The following COL19A1 variants were observed in gnomAD, a reference collection of about 807,000 sequenced individuals.
COL19A1 encodes the protein collagen alpha-1(XIX) chain.
COL19A1 carries 159 observed loss-of-function variants against 190.2 expected under a neutral mutation model. That is an observed-to-expected ratio of 0.84 (90% CI 0.73 to 0.95). COL19A1 has a LOEUF of 0.95. Ranked by LOEUF, COL19A1 falls within the 40% of genes least tolerant of loss-of-function variation. The pLI is 0.00. For synonymous variants in COL19A1, 509 were observed against 458.9 expected (o/e 1.11, Z -1.39); for missense variants, 1,418 against 1,431.9 (o/e 0.99, Z 0.16).
chr6:69,914,491 TA>T (rs1369815312), intron 4 of COL19A1, among the ~76,000 whole-genome samples: 2 of 152,198 alleles, frequency 1.3e-5, no homozygotes, highest in Non-Finnish European at 2.9e-5. Context: ...CTGATACTTG[TA>T]AATACGGAAG....
intron 2 of COL19A1, among the ~76,000 whole-genome samples, chr6:69,881,248 T>G (rs1768531661): frequency 6.6e-6 from 1 of 152,204 alleles, no homozygotes; most frequent in African/African-American, 2.4e-5. Context: ...TTGGGATAAT[T>G]AACAGACATT....
chr6:70,096,810 A>G (rs1280038829), intron 15 of COL19A1, among the ~76,000 whole-genome samples: 1 of 152,166 alleles, frequency 6.6e-6, no homozygotes, highest in African/African-American at 2.4e-5. Context: ...CATCAGCATT[A>G]CTGCAAACTT....
At chr6:70,020,337 G>T (rs2150102293) in intron 11 of COL19A1, among the ~76,000 whole-genome samples, 1 of 152,032 alleles carries the variant, frequency 6.6e-6, no homozygotes, top group Non-Finnish European at 1.5e-5. Flanking sequence ...TATTTTGTCA[G>T]ATATATATAT....
At chr6:70,092,279 T>G (rs537989048) in intron 15 of COL19A1, among the ~76,000 whole-genome samples, 4 of 152,154 alleles carry the variant, frequency 2.6e-5, no homozygotes, top group South Asian at 4.2e-4. Flanking sequence ...CTACCCACAT[T>G]TTCCTCCTAT....
chr6:69,908,084 G>A (rs1770678455), intron 4 of COL19A1, among the ~76,000 whole-genome samples: 1 of 152,178 alleles, frequency 6.6e-6, no homozygotes, highest in Non-Finnish European at 1.5e-5. Flanking sequence ...TCATGCACAA[G>A]GCTAATTTTC....
intron 49 of COL19A1, among the ~76,000 whole-genome samples, chr6:70,200,186 A>AT (rs1767464593): frequency 6.6e-6 from 1 of 152,214 alleles, no homozygotes; most frequent in Admixed American, 6.5e-5. Context: ...TCTAAAATAT[A>AT]TTTTTAAGAA....
chr6:70,181,536 T>C (rs1397024614), intron 44 of COL19A1, among the ~76,000 whole-genome samples: 3 of 151,976 alleles, frequency 2.0e-5, no homozygotes, highest in Non-Finnish European at 4.4e-5. Flanking sequence ...CAGGAGATTA[T>C]GCAAAAAGCA....
chr6:70,122,599 T>C (rs1784947964), intron 17 of COL19A1, among the ~76,000 whole-genome samples: 1 of 152,198 alleles, frequency 6.6e-6, no homozygotes, highest in African/African-American at 2.4e-5. Flanking sequence ...GATCACTTTG[T>C]GTGAGGCATT....
chr6:69,921,051 C>CATAT (rs1262133514), intron 4 of COL19A1, among the ~76,000 whole-genome samples: 1 of 24,122 alleles, frequency 4.1e-5, no homozygotes, highest in African/African-American at 9.2e-5. Context: ...TATTCATAGA[C>CATAT]ATATCATATA....
At chr6:70,083,940 TAA>T (rs1782431888) in intron 15 of COL19A1, among the ~76,000 whole-genome samples, 1 of 152,158 alleles carries the variant, frequency 6.6e-6, no homozygotes, top group Non-Finnish European at 1.5e-5. Context: ...AAAAGTATTA[TAA>T]GAGGAAAGAG....
intron 27 of COL19A1, 38 bp downstream of exon 27, chr6:70,146,927 A>G: frequency 6.6e-7 from 1 of 1,508,404 alleles, no homozygotes; most frequent in Non-Finnish European, 8.9e-7. Flanking sequence ...TGATTCCAAC[A>G]TTGTGAAACA....
chr6:70,168,135 T>C, intron 38 of COL19A1, 36 bp from the exon 39 acceptor site: 2 of 1,610,232 alleles, frequency 1.2e-6, no homozygotes, highest in Non-Finnish European at 1.7e-6. Flanking sequence ...TCGTCTCATC[T>C]TTCTCTTTTT....
chr6:69,994,364 A>G (rs2150077031), intron 11 of COL19A1, among the ~76,000 whole-genome samples: 1 of 152,272 alleles, frequency 6.6e-6, no homozygotes, highest in Admixed American at 6.5e-5. Context: ...AAAATGCTCT[A>G]ATCCATGTAT....
chr6:69,886,507 C>A (rs989484200), intron 2 of COL19A1, among the ~76,000 whole-genome samples: 1 of 152,144 alleles, frequency 6.6e-6, no homozygotes, highest in African/African-American at 2.4e-5. Flanking sequence ...GAAATCCCTA[C>A]CTTGTGAAGA....
At chr6:69,999,166 G>T (rs1010512889) in intron 11 of COL19A1, among the ~76,000 whole-genome samples, 5 of 151,516 alleles carry the variant, frequency 3.3e-5, no homozygotes, top group Non-Finnish European at 7.4e-5. Flanking sequence ...CTCATGATCT[G>T]CCCACCTCGG....
chr6:69,991,706 C>G (rs1776634608), intron 11 of COL19A1, among the ~76,000 whole-genome samples: 1 of 151,914 alleles, frequency 6.6e-6, no homozygotes, highest in South Asian at 2.1e-4. Context: ...GTGTCCTGTT[C>G]ACGTCTTTTG....
At chr6:69,959,372 C>T (rs996869259) in intron 9 of COL19A1, among the ~76,000 whole-genome samples, 2 of 152,000 alleles carry the variant, frequency 1.3e-5, no homozygotes, top group African/African-American at 4.8e-5. Flanking sequence ...TAAGAATACA[C>T]ACACACACAC....
intron 46 of COL19A1, among the ~76,000 whole-genome samples, chr6:70,187,044 AT>A (rs1318622532): frequency 4.0e-5 from 6 of 151,772 alleles, no homozygotes; most frequent in Non-Finnish European, 5.9e-5. Context: ...CGCCTGGCTA[AT>A]TTTTTTGTAT....
At chr6:70,109,925 C>A (rs563881305) in intron 16 of COL19A1, among the ~76,000 whole-genome samples, 79 of 152,126 alleles carry the variant, frequency 5.2e-4, no homozygotes, top group Non-Finnish European at 1.1e-3. Context: ...AAAATACATA[C>A]CCTCAAAACG....
Sources: allele counts gnomAD v4.1 joint callset (sites outside exome capture counted in the v4.1 genomes callset), GRCh38; gene constraint gnomAD v4.1.1; transcripts MANE v1.5; gene names NCBI Gene and HGNC (gene_info 2026-07-23, HGNC 2026-07-21).